The following NAA50 variants were observed in gnomAD, a reference collection of about 807,000 sequenced individuals.
NAA50 encodes the protein N-alpha-acetyltransferase 50.
Under a neutral mutation model 20.7 loss-of-function variants are expected in NAA50, and 7 were observed. The ratio of observed to expected loss-of-function variants is 0.34; its 90% CI spans 0.19 to 0.63. The LOEUF (loss-of-function observed/expected upper bound fraction) is 0.63, where lower values mean the gene tolerates loss of function less well. Among genes scored for constraint, NAA50 ranks in the 30% least tolerant of loss-of-function variants. NAA50 has a pLI of 0.75. For missense variants in NAA50, 111 were observed against 199.1 expected (o/e 0.56, Z 2.66); for synonymous variants, 54 against 70.6 (o/e 0.77, Z 1.18).
chr3:113,728,448 A>C (rs1193602678), intron 1 of NAA50, among the ~76,000 whole-genome samples: 2 of 152,208 alleles, frequency 1.3e-5, no homozygotes, highest in Non-Finnish European at 2.9e-5. Flanking sequence ...ATAATACTAG[A>C]ATGAAGGTGA....
chr3:113,741,176 C>T, intron 1 of NAA50: 2 of 522,254 alleles, frequency 3.8e-6, no homozygotes, highest in South Asian at 3.3e-5. Flanking sequence ...ATGAACATTA[C>T]TACATGTTGG....
rs1290524444 is a variant in NAA50, at chr3:113,720,357, T to C, written c.*1403A>G. Reference sequence around the variant, plus strand: ...AGAAAGCTCAAGCCCTGTGCATTATTTTAAAGTCTGAGAACATTTCTAAAT... The same window carrying C: ...AGAAAGCTCAAGCCCTGTGCATTATCTTAAAGTCTGAGAACATTTCTAAAT... On this transcript the variant is annotated 3_prime_UTR_variant, in exon 5 of 5. Transcript: ENST00000240922. The C allele has an allele frequency of 2.0e-5, 3 of 152,604 alleles. No individual in the cohort carries two copies. The East Asian group carries it at 5.8e-4, about 29-fold the overall frequency. The allele number at this position is 152,604 out of a possible 1,614,324, so 9.5% of individuals were successfully genotyped here. A position where few individuals can be genotyped will look rare whatever the true frequency, so the allele number is the denominator to read the frequency against.
rs1160305563 is a variant in NAA50 at position 113,720,811 on chromosome 3, G to C, written c.*949C>G. 2.6e-5 allele frequency: 4 copies of C among 152,152 alleles called. No homozygotes were observed. The allele number at this position is 152,152 out of a possible 1,614,324, so 9.4% of individuals were successfully genotyped here. ...ACAGCCCATCTAAGCTTCCTTTTAGGTATTTTTTAGTATGTCCAAGAGAAA... is the reference window on the plus strand; with the variant it reads ...ACAGCCCATCTAAGCTTCCTTTTAGCTATTTTTTAGTATGTCCAAGAGAAA... On this transcript the variant is annotated 3_prime_UTR_variant, in exon 5 of 5. Transcript: ENST00000240922.
Position 113,746,125 on chromosome 3 carries a change from G to T in NAA50, c.-176C>A. 1 of 739,464 alleles carries T rather than the reference G, an allele frequency of 1.4e-6. No individual in the cohort carries two copies. Among genetic ancestry groups the T allele is most frequent in the Non-Finnish European group, 2.1e-6 (1 of 469,654 alleles). The allele number at this position is 739,464 out of a possible 1,614,324, so 45.8% of individuals were successfully genotyped here. The stretch of plus-strand genomic sequence containing the variant: ...GAGAGTCGAGTGAGGGCTTGAGTCT[G>T]GTGGGGGCGGGAGTGTCTCCCGCCG... On this transcript the variant is annotated 5_prime_UTR_variant, in exon 1 of 5. Coordinates refer to ENST00000240922, the MANE Select transcript of NAA50 (RefSeq NM_025146.4).
Position 113,721,681 on chromosome 3 carries a change from G to T in NAA50, c.*79C>A. 2.8e-6 allele frequency: 4 copies of T among 1,448,558 alleles called. No homozygotes were observed. Among genetic ancestry groups the T allele is most frequent in the Non-Finnish European group, 3.8e-6 (4 of 1,040,886 alleles). 89.7% of individuals were successfully genotyped at this position (1,448,558 alleles called of 1,614,324 possible). ...GGGAGAAAAGCTTTAAAAGAAAAGTGTTGGGGTGGGGGAGGAATCAATGGG... is the reference window on the plus strand; with the variant it reads ...GGGAGAAAAGCTTTAAAAGAAAAGTTTTGGGGTGGGGGAGGAATCAATGGG... On this transcript the variant is annotated 3_prime_UTR_variant, in exon 5 of 5. Coordinates refer to ENST00000240922, the MANE Select transcript of NAA50 (RefSeq NM_025146.4).
intron 1 of NAA50, among the ~76,000 whole-genome samples, chr3:113,740,464 T>G (rs1480462042): frequency 6.6e-6 from 1 of 152,172 alleles, no homozygotes; most frequent in Non-Finnish European, 1.5e-5. Flanking sequence ...CCTCCTAAGC[T>G]CAAGTGATTT....
intron 1 of NAA50, among the ~76,000 whole-genome samples, chr3:113,727,377 G>A (rs1007816860): frequency 6.6e-6 from 1 of 152,096 alleles, no homozygotes; most frequent in Non-Finnish European, 1.5e-5. Context: ...AAAACTTTAG[G>A]AATCATTTGT....
At position 113,717,180 on chromosome 3, in the gene NAA50, C is replaced by T. The variant is rs1315294178; in HGVS notation, c.*4580G>A. 6.6e-6 allele frequency: 1 copy of T among 152,196 alleles called. No homozygotes were observed. Among genetic ancestry groups the T allele is most frequent in the Non-Finnish European group, 1.5e-5 (1 of 68,026 alleles). 9.4% of individuals were successfully genotyped at this position (152,196 alleles called of 1,614,324 possible). A position where few individuals can be genotyped will look rare whatever the true frequency, so the allele number is the denominator to read the frequency against. On this transcript the variant is annotated 3_prime_UTR_variant, in exon 5 of 5. Transcript: ENST00000240922. ...TGAAACCCCCATCTCTACTAAAATA[C>T]AAAAAATTAGCCAGGCGTGGTGGCA...
In NAA50 at chr3:113,721,707, C is replaced by CCT; in HGVS notation, c.*51_*52dup. ...TTGGGGTGGGGGAGGAATCAATGGG[C>CCT]CTCTCTTTTATTTGGCGACAAGCAA... On this transcript the variant is annotated 3_prime_UTR_variant, in exon 5 of 5. Transcript: ENST00000240922. 1 of 1,591,032 alleles carries CCT rather than the reference C, an allele frequency of 6.3e-7. No homozygotes were observed. Among genetic ancestry groups the CCT allele is most frequent in the Admixed American group, 1.7e-5 (1 of 59,146 alleles).
rs1708492626 is a variant in NAA50 at position 113,745,989 on chromosome 3, A to G, written c.-40T>C. ...GAGGCCGTCGTTACCACCGATATCA[A>G]CGCCGTCGTAGTCGCCGCCCTTAGG... On this transcript the variant is annotated 5_prime_UTR_variant, in exon 1 of 5. Transcript: ENST00000240922. 1 of 1,605,438 alleles carries G rather than the reference A, an allele frequency of 6.2e-7. No individual in the cohort carries two copies. Among genetic ancestry groups the G allele is most frequent in the Non-Finnish European group, 8.5e-7 (1 of 1,179,356 alleles).
chr3:113,738,771 G>A (rs1161729121), intron 1 of NAA50, among the ~76,000 whole-genome samples: 1 of 152,100 alleles, frequency 6.6e-6, no homozygotes, highest in South Asian at 2.1e-4. Context: ...CTAGAAGCAG[G>A]GGAACCCAAA....
intron 3 of NAA50, 136 bp from the exon 4 acceptor site, chr3:113,723,108 C>CA: frequency 8.1e-7 from 1 of 1,232,860 alleles, no homozygotes; most frequent in Non-Finnish European, 1.1e-6. Context: ...CCTTATTTTC[C>CA]AAAGTTGTGT....
intron 1 of NAA50, among the ~76,000 whole-genome samples, chr3:113,728,355 G>A (rs528800704): frequency 7.2e-5 from 11 of 152,254 alleles, no homozygotes; most frequent in Admixed American, 3.3e-4. Context: ...TTATGCATCT[G>A]GAATGCAAAG....
Position 113,721,015 on chromosome 3 carries a change from C to T in NAA50, c.*745G>A, listed in dbSNP as rs1420160782. On this transcript the variant is annotated 3_prime_UTR_variant, in exon 5 of 5. Coordinates refer to ENST00000240922, the MANE Select transcript of NAA50 (RefSeq NM_025146.4). The stretch of plus-strand genomic sequence containing the variant: ...AGCTGGGATATTAAAAAAAATTAAT[C>T]TCACCAGCCCAAATTCTAAAAGTTA... The T allele has an allele frequency of 3.3e-5, 5 of 152,460 alleles. No individual in the cohort carries two copies. Among genetic ancestry groups the T allele is most frequent in the African/African-American group, 1.2e-4 (5 of 41,398 alleles). 9.4% of individuals were successfully genotyped at this position (152,460 alleles called of 1,614,324 possible).
intron 1 of NAA50, among the ~76,000 whole-genome samples, chr3:113,725,825 G>GGATA (rs35052862): frequency 0.38 from 57,069 of 151,666 alleles, 10,813 homozygotes; most frequent in African/African-American, 0.44. Flanking sequence ...TGATTTATCT[G>GGATA]GAGAGGAATA....
At chr3:113,729,349 G>C (rs2107988285) in intron 1 of NAA50, among the ~76,000 whole-genome samples, 1 of 152,296 alleles carries the variant, frequency 6.6e-6, no homozygotes, top group African/African-American at 2.4e-5. Flanking sequence ...AGAAAGTTTG[G>C]AAGTGTTTCT....
intron 1 of NAA50, among the ~76,000 whole-genome samples, chr3:113,743,035 AG>A (rs1708438709): frequency 6.6e-6 from 1 of 152,226 alleles, no homozygotes; most frequent in African/African-American, 2.4e-5. Context: ...CAACCTCAAA[AG>A]TAAGCAACAT....
At chr3:113,736,399 C>CT (rs1708342252) in intron 1 of NAA50, among the ~76,000 whole-genome samples, 1 of 152,164 alleles carries the variant, frequency 6.6e-6, no homozygotes, top group South Asian at 2.1e-4. Flanking sequence ...TTATCTGCCT[C>CT]TTTATAGACT....
At position 113,746,187 on chromosome 3, in the gene NAA50, G is replaced by C. The variant is rs1370931467; in HGVS notation, c.-238C>G. The stretch of plus-strand genomic sequence containing the variant: ...CCGCCGCTTCTCCACACGTGCACTC[G>C]GGTCTCTCGGCTCCCTCCCGCCGCT... On this transcript the variant is annotated 5_prime_UTR_variant, in exon 1 of 5. Coordinates refer to ENST00000240922, the MANE Select transcript of NAA50 (RefSeq NM_025146.4). 2 of 524,108 alleles carry C rather than the reference G, an allele frequency of 3.8e-6. No individual in the cohort carries two copies. Among genetic ancestry groups the C allele is most frequent in the South Asian group, 2.4e-5 (1 of 41,522 alleles). The allele number at this position is 524,108 out of a possible 1,614,324, so 32.5% of individuals were successfully genotyped here.
Sources: gnomAD v4.1 joint callset for allele counts (sites outside exome capture counted in the v4.1 genomes callset) on GRCh38, gnomAD v4.1.1 for gene constraint, MANE v1.5 for transcripts, NCBI Gene and HGNC (gene_info 2026-07-23, HGNC 2026-07-21) for gene names.